ZNF280D: variants seen among roughly 807,000 people sequenced by gnomAD.
ZNF280D encodes the protein suppressor of hairy wing homolog 4.
Under a neutral mutation model 94.7 loss-of-function variants are expected in ZNF280D, and 39 were observed. The observed-to-expected ratio is 0.41, with a 90% CI of 0.32 to 0.54. ZNF280D has a LOEUF of 0.54. ZNF280D is among the 20% of genes least tolerant of loss of function. ZNF280D has a pLI of 0.22. For missense variants in ZNF280D, 1,090 were observed against 1,149.3 expected (o/e 0.95, Z 0.75); for synonymous variants, 398 against 377.6 (o/e 1.05, Z -0.63).
intron 1 of ZNF280D, among the ~76,000 whole-genome samples, chr15:56,729,550 C>T (rs1248013951): frequency 1.3e-5 from 2 of 152,262 alleles, no homozygotes; most frequent in Middle Eastern, 3.4e-3. Flanking sequence ...AAAAAGACTA[C>T]AGAAGTGACA....
At chr15:56,727,231 A>AAGCCGAGGTG (rs2058670531) in intron 1 of ZNF280D, among the ~76,000 whole-genome samples, 1 of 151,386 alleles carries the variant, frequency 6.6e-6, no homozygotes, top group Non-Finnish European at 1.5e-5. Context: ...GCACTTTGGG[A>AAGCCGAGGTG]GGTGGGTCAC....
intron 21 of ZNF280D, among the ~76,000 whole-genome samples, 194 bp from the exon 22 acceptor site, chr15:56,632,316 A>T (rs2052117716): frequency 6.6e-6 from 1 of 152,128 alleles, no homozygotes; most frequent in Non-Finnish European, 1.5e-5. Context: ...CAAGATTCTG[A>T]GAAACTCTGG....
At chr15:56,656,815 A>G (rs1460097502) in intron 17 of ZNF280D, among the ~76,000 whole-genome samples, 1 of 152,210 alleles carries the variant, frequency 6.6e-6, no homozygotes, top group African/African-American at 2.4e-5. Context: ...ATGTTAGATG[A>G]TCTAGAGAAA....
intron 1 of ZNF280D, among the ~76,000 whole-genome samples, chr15:56,711,816 T>C (rs2057774357): frequency 6.6e-6 from 1 of 152,232 alleles, no homozygotes; most frequent in South Asian, 2.1e-4. Flanking sequence ...GATTTTGTAG[T>C]TGTGAGAACA....
chr15:56,649,620 T>G (rs1296395811), intron 19 of ZNF280D, among the ~76,000 whole-genome samples: 2 of 151,956 alleles, frequency 1.3e-5, no homozygotes, highest in Non-Finnish European at 2.9e-5. Context: ...TTTTTTTTTT[T>G]TAATCTTGCT....
intron 10 of ZNF280D, among the ~76,000 whole-genome samples, chr15:56,681,018 A>T (rs1252461837): frequency 6.6e-6 from 1 of 152,236 alleles, no homozygotes; most frequent in Non-Finnish European, 1.5e-5. Flanking sequence ...CCCTTTTGTT[A>T]AACTACTGCA....
chr15:56,691,487 A>T lies in ZNF280D; in HGVS notation c.499+1611T>A, dbSNP rs535520531. Among the ~76,000 whole-genome samples the T allele has an allele frequency of 3.3e-5, 5 of 152,302 alleles. No individual in the cohort carries two copies. In the South Asian group the frequency reaches 1.0e-3, roughly 32 times the overall value. On this transcript the variant is annotated intron_variant, in intron 7 of 21. Transcript: ENST00000267807. ...ACAGACTGCTTTAAGAATTTTTAAA[A>T]CAAGAAATCTCAAGATTAAATAAAA...
chr15:56,658,396 A>G, intron 17 of ZNF280D, 28 bp downstream of exon 17: 1 of 1,545,828 alleles, frequency 6.5e-7, no homozygotes, highest in Non-Finnish European at 8.7e-7. Flanking sequence ...TTTTCAATAG[A>G]AAGAGTAAAA....
chr15:56,687,902 T>C (rs1461457446), intron 9 of ZNF280D, among the ~76,000 whole-genome samples: 1 of 152,192 alleles, frequency 6.6e-6, no homozygotes, highest in Non-Finnish European at 1.5e-5. Context: ...TTCTACCTTT[T>C]TTGTAAAATG....
chr15:56,704,641 T>C (rs908939972), intron 3 of ZNF280D, among the ~76,000 whole-genome samples: 4 of 152,126 alleles, frequency 2.6e-5, no homozygotes, highest in Non-Finnish European at 4.4e-5. Flanking sequence ...CTAAGAATAA[T>C]AGGCAACAGG....
At chr15:56,703,842 GA>G (rs2057236235) in intron 4 of ZNF280D, among the ~76,000 whole-genome samples, 1 of 145,986 alleles carries the variant, frequency 6.8e-6, no homozygotes, top group Non-Finnish European at 1.5e-5. Flanking sequence ...GACAGAGTGA[GA>G]CCCTGTCTCA....
At chr15:56,702,960 C>T (rs886462552) in intron 4 of ZNF280D, among the ~76,000 whole-genome samples, 7 of 140,018 alleles carry the variant, frequency 5.0e-5, no homozygotes, top group African/African-American at 1.3e-4. Flanking sequence ...CACACACACA[C>T]GCTGGTAAAC....
chr15:56,730,929 G>C (rs984245109), intron 1 of ZNF280D, among the ~76,000 whole-genome samples: 37 of 152,258 alleles, frequency 2.4e-4, no homozygotes, highest in African/African-American at 8.4e-4. Context: ...AAGATAGCTT[G>C]TCACCACCTT....
At chr15:56,720,686 A>G (rs565311816) in intron 1 of ZNF280D, among the ~76,000 whole-genome samples, 1 of 152,292 alleles carries the variant, frequency 6.6e-6, no homozygotes, top group South Asian at 2.1e-4. Context: ...TCCTTGACCC[A>G]TGGGCAGCAG....
intron 8 of ZNF280D, 69 bp from the exon 9 acceptor site, chr15:56,689,219 T>C: frequency 6.4e-7 from 1 of 1,552,024 alleles, no homozygotes; most frequent in South Asian, 1.2e-5. Context: ...CCACTAATAA[T>C]ACTTTTAAAA....
At chr15:56,651,883 T>C (rs973786938) in intron 19 of ZNF280D, among the ~76,000 whole-genome samples, 11 of 152,314 alleles carry the variant, frequency 7.2e-5, no homozygotes, top group African/African-American at 2.6e-4. Flanking sequence ...CATTACTATA[T>C]TAACAATGTG....
At chr15:56,710,497 T>C (rs2141287009) in intron 1 of ZNF280D, among the ~76,000 whole-genome samples, 1 of 152,140 alleles carries the variant, frequency 6.6e-6, no homozygotes, top group African/African-American at 2.4e-5. Context: ...CATGCCCATA[T>C]TTAATATACT....
intron 14 of ZNF280D, chr15:56,668,092 G>A (rs2054416854): frequency 4.4e-6 from 2 of 450,744 alleles, no homozygotes; most frequent in Admixed American, 2.4e-5. Context: ...TCAGAGCATG[G>A]CTTTATATTG....
At chr15:56,724,211 T>C (rs539449633) in intron 1 of ZNF280D, among the ~76,000 whole-genome samples, 2 of 152,358 alleles carry the variant, frequency 1.3e-5, no homozygotes, top group South Asian at 4.1e-4. Context: ...GGACTGTCTG[T>C]ACTTGGTCTC....
Sources: gnomAD v4.1 joint callset for allele counts (sites outside exome capture counted in the v4.1 genomes callset) on GRCh38, gnomAD v4.1.1 for gene constraint, MANE v1.5 for transcripts, NCBI Gene and HGNC (gene_info 2026-07-23, HGNC 2026-07-21) for gene names.